Variants in CCAR1 observed in about 807,000 individuals in gnomAD.
CCAR1 encodes cell division cycle and apoptosis regulator protein 1.
Under a neutral mutation model 163.8 loss-of-function variants are expected in CCAR1, and 78 were observed. The ratio of observed to expected loss-of-function variants is 0.48; its 90% CI spans 0.40 to 0.57. The LOEUF is 0.57. Among genes scored for constraint, CCAR1 ranks in the 20% least tolerant of loss-of-function variants. The probability of loss-of-function intolerance (pLI) is 0.00; values close to 1 mark genes in which losing one functional copy is unlikely to be tolerated. For synonymous variants in CCAR1, 443 were observed against 460.7 expected, an observed-to-expected ratio of 0.96 and a Z score of 0.49; for missense variants, 1,019 against 1,365.2, an observed-to-expected ratio of 0.75 and a Z score of 4.00.
intron 16 of CCAR1, among the ~76,000 whole-genome samples, chr10:68,765,004 C>T (rs758319338): frequency 3.9e-5 from 6 of 152,152 alleles, no homozygotes; most frequent in African/African-American, 7.2e-5. Flanking sequence ...ATTTTATAAA[C>T]GTAGTTTCTT....
chr10:68,736,378 A>G (rs1042009434), intron 2 of CCAR1, among the ~76,000 whole-genome samples: 8 of 152,058 alleles, frequency 5.3e-5, no homozygotes, highest in Non-Finnish European at 1.0e-4. Context: ...TCTCTTCTCA[A>G]TGTTTACATA....
chr10:68,730,507 T>G (rs1313692585), intron 2 of CCAR1, among the ~76,000 whole-genome samples: 1 of 151,572 alleles, frequency 6.6e-6, no homozygotes, highest in Non-Finnish European at 1.5e-5. Context: ...CCCACTAATT[T>G]TTGTATTTTT....
intron 16 of CCAR1, among the ~76,000 whole-genome samples, chr10:68,763,219 C>A (rs897241254): frequency 7.2e-5 from 11 of 151,910 alleles, no homozygotes; most frequent in Non-Finnish European, 1.5e-5. Flanking sequence ...GGTGCGATCT[C>A]GGCTCACTGC....
At chr10:68,722,123 A>G (rs1050896674) in intron 1 of CCAR1, among the ~76,000 whole-genome samples, 1 of 152,172 alleles carries the variant, frequency 6.6e-6, no homozygotes, top group African/African-American at 2.4e-5. Context: ...CTGTGAATAT[A>G]AAGTTGTGAA....
chr10:68,771,195 T>C lies in CCAR1; in HGVS notation c.2299-11T>C, dbSNP rs1254345313. On this transcript the variant is annotated splice_polypyrimidine_tract_variant and intron_variant, in intron 17 of 24. Coordinates refer to ENST00000265872, the MANE Select transcript of CCAR1 (RefSeq NM_018237.4). Reference sequence around the variant, plus strand: ...AAATTTGGCTAGGTTCATGTTGATATCTTTTTATAGGTTTCATTGTTTGCG... The same window carrying C: ...AAATTTGGCTAGGTTCATGTTGATACCTTTTTATAGGTTTCATTGTTTGCG... 4 of 1,571,952 alleles carry C rather than the reference T, an allele frequency of 2.5e-6. No individual in the cohort carries two copies. The highest frequency in any genetic ancestry group is 1.4e-5 in the African/African-American group (1 of 72,538).
chr10:68,771,140 A>G (rs557455105), intron 17 of CCAR1, 66 bp from the exon 18 acceptor site: 6 of 1,400,202 alleles, frequency 4.3e-6, no homozygotes, highest in Admixed American at 4.7e-5. Flanking sequence ...TATTTGCTAA[A>G]TTACTCTGCT....
At chr10:68,784,359 G>C (rs1354360994) in intron 19 of CCAR1, among the ~76,000 whole-genome samples, 1 of 151,894 alleles carries the variant, frequency 6.6e-6, no homozygotes, top group Non-Finnish European at 1.5e-5. Context: ...GGGACTACAG[G>C]CACACGCCAC....
intron 2 of CCAR1, among the ~76,000 whole-genome samples, chr10:68,724,151 T>C (rs10998406): frequency 0.09 from 8,981 of 100,174 alleles, 428 homozygotes; most frequent in East Asian, 0.34. Context: ...AGAGCAAAAC[T>C]CTGTCTCAGA....
At chr10:68,761,826 TCCTGA>T (rs1484225493) in intron 16 of CCAR1, among the ~76,000 whole-genome samples, 4 of 151,490 alleles carry the variant, frequency 2.6e-5, no homozygotes, top group Non-Finnish European at 4.4e-5. Context: ...GGTCTCGAAC[TCCTGA>T]CCTCAGGTGA....
intron 17 of CCAR1, among the ~76,000 whole-genome samples, chr10:68,768,536 A>C (rs1314380006): frequency 6.6e-6 from 1 of 152,172 alleles, no homozygotes; most frequent in South Asian, 2.1e-4. Flanking sequence ...TCTTGAACGC[A>C]GCGGGCAGAG....
intron 10 of CCAR1, among the ~76,000 whole-genome samples, chr10:68,750,876 A>G (rs558857377): frequency 6.6e-6 from 1 of 152,172 alleles, no homozygotes; most frequent in Non-Finnish European, 1.5e-5. Flanking sequence ...AAATTTCCAG[A>G]TATTCAGTTC....
chr10:68,724,291 C>T (rs2055907962), intron 2 of CCAR1, among the ~76,000 whole-genome samples: 1 of 152,018 alleles, frequency 6.6e-6, no homozygotes, highest in African/African-American at 2.4e-5. Flanking sequence ...TGGTGAAATC[C>T]TATGTCTACC....
intron 19 of CCAR1, among the ~76,000 whole-genome samples, chr10:68,778,215 C>CAAAAG (rs571711033): frequency 3.3e-5 from 5 of 152,042 alleles, no homozygotes; most frequent in Admixed American, 6.6e-5. Context: ...GACTCCATCT[C>CAAAAG]AAAAGAAAAG....
Position 68,792,218 on chromosome 10 carries a change from T to G in CCAR1, c.*952T>G, listed in dbSNP as rs546889681. 2 of 152,310 alleles carry G rather than the reference T, an allele frequency of 1.3e-5. No homozygotes were observed. Among genetic ancestry groups the G allele is most frequent in the South Asian group, 4.1e-4 (2 of 4,828 alleles). The allele number at this position is 152,310 out of a possible 1,614,324, so 9.4% of individuals were successfully genotyped here. On this transcript the variant is annotated 3_prime_UTR_variant, in exon 25 of 25. Coordinates refer to ENST00000265872, the MANE Select transcript of CCAR1 (RefSeq NM_018237.4). ...TCAATGTTACTGCTTTCAATTAATTTTTCTACTTTCCCAGAATAGCATCTA... is the reference window on the plus strand; with the variant it reads ...TCAATGTTACTGCTTTCAATTAATTGTTCTACTTTCCCAGAATAGCATCTA...
chr10:68,724,799 G>GA (rs546738386), intron 2 of CCAR1, among the ~76,000 whole-genome samples: 1 of 151,900 alleles, frequency 6.6e-6, no homozygotes, highest in Admixed American at 6.6e-5. Flanking sequence ...GAAAAAGAAA[G>GA]AAAACCAACT....
intron 2 of CCAR1, among the ~76,000 whole-genome samples, chr10:68,728,786 C>T (rs1001151421): frequency 6.6e-6 from 1 of 152,060 alleles, no homozygotes; most frequent in African/African-American, 2.4e-5. Flanking sequence ...GAAACCCTGC[C>T]TCTACTAAAA....
In CCAR1 at chr10:68,773,052, A is replaced by T; in HGVS notation, c.2603A>T (p.Asp868Val). The T allele has an allele frequency of 6.4e-7, 1 of 1,569,890 alleles. No homozygotes were observed. The part of the protein sequence containing the change: ...DDETEEDNNQ[D>V]EYDPMEAEEA... ...GAAACTGAAGAAGATAACAATCAAG[A>T]TGAATATGACCCTATGGAAGCAGAA... Residue 868 changes from aspartate to valine, a missense_variant, in exon 19 of 25, where the codon GAT (aspartate) becomes GTT (valine). Transcript: ENST00000265872.
intron 16 of CCAR1, among the ~76,000 whole-genome samples, chr10:68,765,611 A>T (rs2056526191): frequency 6.6e-6 from 1 of 152,186 alleles, no homozygotes; most frequent in Admixed American, 6.6e-5. Flanking sequence ...TCTAATTTAT[A>T]TAATCTCAAT....
chr10:68,722,661 A>C (rs538898922), intron 2 of CCAR1, 84 bp downstream of exon 2: 26 of 1,040,632 alleles, frequency 2.5e-5, no homozygotes, highest in Non-Finnish European at 3.6e-5. Flanking sequence ...GTGGTGGCTC[A>C]CGCCTGTTAT....
Sources: gnomAD v4.1 joint callset for allele counts (sites outside exome capture counted in the v4.1 genomes callset) on GRCh38, gnomAD v4.1.1 for gene constraint, MANE v1.5 for transcripts, NCBI Gene and HGNC (gene_info 2026-07-23, HGNC 2026-07-21) for gene names.